The following TENM1 variants were observed in gnomAD, a reference collection of about 807,000 sequenced individuals.
TENM1 encodes the protein teneurin transmembrane protein 1, also known as teneurin-1.
Under a neutral mutation model 174.8 loss-of-function variants are expected in TENM1, and 35 were observed. The observed-to-expected ratio is 0.20, with a 90% CI of 0.15 to 0.27. The LOEUF (loss-of-function observed/expected upper bound fraction) is 0.27. Among genes scored for constraint, TENM1 ranks in the 10% least tolerant of loss-of-function variants. The probability of loss-of-function intolerance (pLI) is 1.00; values close to 1 mark genes in which losing one functional copy is unlikely to be tolerated. For synonymous variants in TENM1, 781 were observed against 798.7 expected, an observed-to-expected ratio of 0.98 and a Z score of 0.37; for missense variants, 1,633 against 2,130.1, an observed-to-expected ratio of 0.77 and a Z score of 4.59.
chrX:125,085,249 AC>A, the TENM1 span, among the ~76,000 whole-genome samples: 13 of 110,914 alleles, frequency 1.2e-4, no homozygotes, highest in Admixed American at 1.2e-3. Flanking sequence ...GGTTTTAAAT[AC>A]CTGCCCATTA....
intron 5 of TENM1, among the ~76,000 whole-genome samples, chrX:124,698,608 G>A (rs1437947444): frequency 9.0e-6 from 1 of 110,944 alleles, no homozygotes; most frequent in East Asian, 2.8e-4. Flanking sequence ...GTAAGTCTGA[G>A]CAAATAATTG....
rs2056597822 is a variant in TENM1 at position 124,845,884 on chromosome X, AG to A, written c.535+48411del. On this transcript the variant is annotated intron_variant, in intron 3 of 31. Transcript: ENST00000422452. ...AGGAGAGTACAATGTTCCAGGCACCAGGAACAGGTTATACAAAGGCTTAGAA... is the reference window on the plus strand; with the variant it reads ...AGGAGAGTACAATGTTCCAGGCACCAGAACAGGTTATACAAAGGCTTAGAA... Among the ~76,000 whole-genome samples the A allele has an allele frequency of 4.5e-5, 5 of 110,477 alleles. No homozygotes were observed. The South Asian group carries it at 2.0e-3, about 43-fold the overall frequency.
At chrX:125,172,201 C>T in the TENM1 span, among the ~76,000 whole-genome samples, 2 of 110,921 alleles carry the variant, frequency 1.8e-5, no homozygotes, top group Non-Finnish European at 3.8e-5. Context: ...GTTTCACGGG[C>T]CTTAAAGAAT....
chrX:124,657,405 G>A (rs749505450), intron 6 of TENM1, among the ~76,000 whole-genome samples: 4 of 110,679 alleles, frequency 3.6e-5, no homozygotes, highest in Non-Finnish European at 5.7e-5. Flanking sequence ...ACTAAGTGAT[G>A]GTAACTCAGT....
intron 3 of TENM1, among the ~76,000 whole-genome samples, chrX:124,773,053 A>C (rs886493857): frequency 1.8e-5 from 2 of 111,973 alleles, no homozygotes; most frequent in Non-Finnish European, 3.8e-5. Flanking sequence ...AATTTCCTTG[A>C]ATCAAACGAT....
intron 4 of TENM1, among the ~76,000 whole-genome samples, chrX:124,723,610 T>G (rs944582539): frequency 3.3e-4 from 33 of 99,617 alleles, no homozygotes; most frequent in African/African-American, 5.7e-4. Flanking sequence ...TTTGTTTTTT[T>G]TTTTTTTTTT....
chrX:124,570,639 T>C (rs2049035865), intron 11 of TENM1, among the ~76,000 whole-genome samples: 2 of 111,690 alleles, frequency 1.8e-5, no homozygotes, highest in Non-Finnish European at 3.8e-5. Flanking sequence ...TAATAGGTAT[T>C]TGATAAAATA....
the TENM1 span, among the ~76,000 whole-genome samples, chrX:125,139,461 T>A: frequency 0.011 from 1,240 of 111,515 alleles, 17 homozygotes; most frequent in African/African-American, 0.036. Flanking sequence ...AGGGGTGGTG[T>A]CTAGAAGCAA....
At chrX:124,844,899 A>G (rs933417327) in intron 3 of TENM1, among the ~76,000 whole-genome samples, 5 of 111,143 alleles carry the variant, frequency 4.5e-5, no homozygotes, top group African/African-American at 1.3e-4. Flanking sequence ...CACCTACATC[A>G]GAATCACTTG....
intron 18 of TENM1, among the ~76,000 whole-genome samples, chrX:124,506,569 T>A (rs111421580): frequency 1.0e-3 from 113 of 112,203 alleles, no homozygotes; most frequent in African/African-American, 3.2e-3. Flanking sequence ...TATGAGCTAA[T>A]GAAGTTATAA....
Position 124,618,438 on chromosome X carries a change from C to T in TENM1, c.2077+23353G>A, listed in dbSNP as rs752432925. On this transcript the variant is annotated intron_variant, in intron 11 of 31. Coordinates refer to ENST00000422452, the Ensembl canonical transcript of TENM1. ...TCTGCACATTTTCTGTTATTTAATGCTAAAATTATTTTACTTGGTTTTGTA... is the reference window on the plus strand; with the variant it reads ...TCTGCACATTTTCTGTTATTTAATGTTAAAATTATTTTACTTGGTTTTGTA... Among the ~76,000 whole-genome samples, 6 of 111,892 alleles carry T rather than the reference C, an allele frequency of 5.4e-5. No individual in the cohort carries two copies. The Admixed American group carries it at 5.7e-4, about 11-fold the overall frequency.
At chrX:124,912,566 G>C (rs1470489630) in intron 1 of TENM1, among the ~76,000 whole-genome samples, 1 of 110,472 alleles carries the variant, frequency 9.1e-6, no homozygotes, top group Non-Finnish European at 1.9e-5. Context: ...TTCAGAGATG[G>C]GGAGCTGGGG....
At chrX:124,676,883 A>T (rs974231190) in intron 5 of TENM1, among the ~76,000 whole-genome samples, 18 of 106,444 alleles carry the variant, frequency 1.7e-4, no homozygotes, top group Non-Finnish European at 2.3e-4. Context: ...AAAAAAAAAA[A>T]TCCCACAGGA....
chrX:124,411,480 C>T (rs1233739189), intron 25 of TENM1, among the ~76,000 whole-genome samples: 1 of 111,386 alleles, frequency 9.0e-6, no homozygotes, highest in Non-Finnish European at 1.9e-5. Flanking sequence ...TTTCTGTGGC[C>T]AGAGAGGCCA....
At position 124,871,463 on chromosome X, in the gene TENM1, G is replaced by C. The variant is rs143619802; in HGVS notation, c.535+22833C>G. On this transcript the variant is annotated intron_variant, in intron 3 of 31. Transcript: ENST00000422452. The stretch of plus-strand genomic sequence containing the variant: ...GGTTTTTGACTTGAGCAAGTGGTAG[G>C]ATGGAGCTTCCGTCAACTGAAATGG... Among the ~76,000 whole-genome samples, 211 of 111,675 alleles carry C rather than the reference G, an allele frequency of 1.9e-3. 1 individual carries two copies. The highest frequency in any genetic ancestry group is 6.5e-3 in the African/African-American group (199 of 30,653).
At chrX:124,453,373 T>C (rs1240840755) in exon 23 of TENM1, 1 of 1,210,335 alleles carries the variant, frequency 8.3e-7, no homozygotes, top group Non-Finnish European at 1.1e-6. Flanking sequence ...AGCTCAGTGG[T>C]TGTGTGGAAG....
intron 25 of TENM1, among the ~76,000 whole-genome samples, chrX:124,407,917 C>T (rs1380400034): frequency 9.0e-6 from 1 of 111,624 alleles, no homozygotes; most frequent in African/African-American, 3.3e-5. Flanking sequence ...CAGCTAAGGA[C>T]GCGTTATCAA....
chrX:124,944,699 C>T (rs1275200859), intron 1 of TENM1, among the ~76,000 whole-genome samples: 2 of 107,272 alleles, frequency 1.9e-5, no homozygotes, highest in African/African-American at 6.8e-5. Context: ...TACAAAATTC[C>T]TTGCTCTCAC....
chrX:124,813,690 A>T (rs192565225), intron 3 of TENM1, among the ~76,000 whole-genome samples: 5 of 111,475 alleles, frequency 4.5e-5, no homozygotes, highest in African/African-American at 1.6e-4. Context: ...AAATATCTGC[A>T]TATGTGATTG....
Sources: allele counts gnomAD v4.1 joint callset (sites outside exome capture counted in the v4.1 genomes callset), GRCh38; gene constraint gnomAD v4.1.1; transcripts MANE v1.5; gene names NCBI Gene and HGNC (gene_info 2026-07-23, HGNC 2026-07-21).